PALLD: variants seen among roughly 807,000 people sequenced by gnomAD.
PALLD encodes palladin.
A neutral mutation model predicts 123.5 loss-of-function variants in PALLD; 61 were observed. The ratio of observed to expected loss-of-function variants is 0.49; its 90% confidence interval spans 0.40 to 0.61. The LOEUF is 0.61. Ranked by LOEUF, PALLD falls within the 20% of genes least tolerant of loss-of-function variation. The pLI, the probability that PALLD is intolerant of heterozygous loss-of-function variation, is 0.00. For missense variants in PALLD, 1,273 were observed against 1,377.0 expected, an observed-to-expected ratio of 0.92 and a Z score of 1.20; for synonymous variants, 465 against 496.4, an observed-to-expected ratio of 0.94 and a Z score of 0.84.
chr4:168,584,362 T>C (rs1466771864), intron 2 of PALLD, among the ~76,000 whole-genome samples: 1 of 152,250 alleles, frequency 6.6e-6, no homozygotes, highest in African/African-American at 2.4e-5. Flanking sequence ...ATGGAACAGA[T>C]GCCAGATAAC....
At chr4:168,644,233 C>G (rs1261004533) in intron 2 of PALLD, among the ~76,000 whole-genome samples, 1 of 151,602 alleles carries the variant, frequency 6.6e-6, no homozygotes. Flanking sequence ...GGATTACAGG[C>G]GCCTCCACCA....
intron 17 of PALLD, 21 bp downstream of exon 17, chr4:168,916,048 GCATATC>G (rs777454544): frequency 1.6e-5 from 25 of 1,608,924 alleles, no homozygotes; most frequent in Non-Finnish European, 1.8e-5. Context: ...GTTATTGCTT[GCATATC>G]CTATTGCCCC....
intron 14 of PALLD, among the ~76,000 whole-genome samples, chr4:168,900,562 A>T (rs1485182256): frequency 6.6e-6 from 1 of 152,190 alleles, no homozygotes; most frequent in African/African-American, 2.4e-5. Flanking sequence ...TTTAGGTGTT[A>T]ATTTCCTATA....
intron 2 of PALLD, among the ~76,000 whole-genome samples, chr4:168,532,820 C>T (rs1475049629): frequency 1.3e-5 from 2 of 151,938 alleles, no homozygotes; most frequent in Non-Finnish European, 2.9e-5. Context: ...GAAAGGGAAA[C>T]CATTGAAAGA....
intron 6 of PALLD, among the ~76,000 whole-genome samples, chr4:168,689,432 C>CTTT (rs70961551): frequency 0.015 from 740 of 49,848 alleles, 192 homozygotes; most frequent in Non-Finnish European, 0.02. Flanking sequence ...ATCCAATATT[C>CTTT]TTTTTTTTTT....
intron 2 of PALLD, among the ~76,000 whole-genome samples, chr4:168,644,530 G>A (rs574518691): frequency 2.0e-5 from 3 of 152,120 alleles, no homozygotes; most frequent in East Asian, 1.9e-4. Flanking sequence ...CACCTGTTCC[G>A]TCCCATCATC....
intron 10 of PALLD, among the ~76,000 whole-genome samples, chr4:168,739,555 G>A (rs1418038253): frequency 1.3e-5 from 2 of 152,180 alleles, no homozygotes; most frequent in African/African-American, 4.8e-5. Context: ...AGAATAGCTA[G>A]TAGACAGGAT....
intron 10 of PALLD, among the ~76,000 whole-genome samples, chr4:168,881,961 C>T (rs1394885814): frequency 6.6e-6 from 1 of 152,168 alleles, no homozygotes; most frequent in Non-Finnish European, 1.5e-5. Context: ...TCCCTGGAAC[C>T]AGACTGGCAC....
intron 2 of PALLD, chr4:168,647,780 C>CAAAAAAAAAAAA (rs34790739): frequency 1.3e-5 from 1 of 79,140 alleles, no homozygotes; most frequent in Non-Finnish European, 2.4e-5. Flanking sequence ...GACTCTGTCT[C>CAAAAAAAAAAAA]AAAAAAAAAA....
rs1263213538 is a variant in PALLD at position 168,598,348 on chromosome 4, C to T, written c.909-69842C>T. On this transcript the variant is annotated intron_variant, in intron 2 of 21. Coordinates refer to ENST00000505667, the MANE Select transcript of PALLD (RefSeq NM_001166108.2). ...TTGGTGCTTTGCTATTCAAGACTTG[C>T]CATGGGAACTGTTTGGCTAACTTCC... 10 of 551,840 alleles carry T rather than the reference C, an allele frequency of 1.8e-5. No homozygotes were observed. In the Admixed American group the frequency reaches 2.1e-4, roughly 12 times the overall value. 34.2% of individuals were successfully genotyped at this position (551,840 alleles called of 1,614,324 possible).
intron 10 of PALLD, among the ~76,000 whole-genome samples, chr4:168,743,176 C>A (rs937579710): frequency 6.6e-6 from 1 of 152,090 alleles, no homozygotes; most frequent in African/African-American, 2.4e-5. Context: ...TTTACCTTGC[C>A]CCAGCCCCTG....
intron 2 of PALLD, among the ~76,000 whole-genome samples, chr4:168,548,670 A>G (rs1250503597): frequency 6.6e-6 from 1 of 152,218 alleles, no homozygotes; most frequent in Non-Finnish European, 1.5e-5. Flanking sequence ...AGGAGAGTTG[A>G]AGTTCAAAGC....
intron 10 of PALLD, among the ~76,000 whole-genome samples, chr4:168,761,658 T>TTTTTTGTTTTTTTTTTTTTTTTTTTTTTG (rs1561493937): frequency 7.0e-5 from 3 of 43,072 alleles, no homozygotes; most frequent in Admixed American, 1.8e-4. Context: ...TTTTTTTTTT[T>TTTTTTGTTTTTTTTTTTTTTTTTTTTTTG]TTTTTTTTTT....
At chr4:168,865,964 AGG>A (rs1198201308) in intron 10 of PALLD, among the ~76,000 whole-genome samples, 2 of 152,174 alleles carry the variant, frequency 1.3e-5, no homozygotes, top group African/African-American at 4.8e-5. Context: ...ATGCTAAAAA[AGG>A]GCTGTCGGTG....
At chr4:168,713,017 A>T (rs1328411607) in intron 10 of PALLD, among the ~76,000 whole-genome samples, 3 of 152,224 alleles carry the variant, frequency 2.0e-5, no homozygotes, top group Non-Finnish European at 4.4e-5. Context: ...CAAATAACAA[A>T]AGCAGTCAAA....
At chr4:168,815,768 TA>T (rs1741810925) in intron 10 of PALLD, among the ~76,000 whole-genome samples, 1 of 152,194 alleles carries the variant, frequency 6.6e-6, no homozygotes, top group Non-Finnish European at 1.5e-5. Flanking sequence ...TTTCGGTGGC[TA>T]AATGAGAAAT....
At chr4:168,549,419 A>C (rs1766501212) in intron 2 of PALLD, among the ~76,000 whole-genome samples, 3 of 152,246 alleles carry the variant, frequency 2.0e-5, no homozygotes, top group Non-Finnish European at 4.4e-5. Context: ...CACGGTCTTA[A>C]CAGTTTATAT....
Position 168,497,467 on chromosome 4 carries a change from CTA to C in PALLD, c.-83+275_-83+276del, listed in dbSNP as rs1760867227. 2.6e-5 allele frequency among the ~76,000 whole-genome samples: 4 copies of C among 152,278 alleles called. No homozygotes were observed. In the South Asian group the frequency reaches 8.3e-4, roughly 32 times the overall value. On this transcript the variant is annotated intron_variant, in intron 1 of 21. Transcript: ENST00000505667. ...TAAGCTTAAGCATGCTAAGATGGTG[CTA>C]TCAATTCCAAAAGGATTAAATGTAT...
chr4:168,656,285 A>G (rs1379075526), intron 2 of PALLD, among the ~76,000 whole-genome samples: 2 of 126,788 alleles, frequency 1.6e-5, no homozygotes, highest in Admixed American at 9.7e-5. Flanking sequence ...AAAGCATTCA[A>G]TACAAATTTT....
Sources: gnomAD v4.1 joint callset for allele counts (sites outside exome capture counted in the v4.1 genomes callset) on GRCh38, gnomAD v4.1.1 for gene constraint, MANE v1.5 for transcripts, NCBI Gene and HGNC (gene_info 2026-07-23, HGNC 2026-07-21) for gene names.